CDH12: variants seen among roughly 807,000 people sequenced by gnomAD.
CDH12 encodes cadherin 12, also known as cadherin-12.
In CDH12, 41 loss-of-function variants were observed where a neutral mutation model predicts 74.1. The observed-to-expected ratio is 0.55, with a 90% confidence interval of 0.43 to 0.72. The LOEUF is 0.72. Ranked by LOEUF, CDH12 falls within the 30% of genes least tolerant of loss-of-function variation. The pLI is 0.00. For synonymous variants in CDH12, 399 were observed against 355.0 expected (o/e 1.12, Z -1.39); for missense variants, 945 against 977.2 (o/e 0.97, Z 0.44).
intron 5 of CDH12, among the ~76,000 whole-genome samples, chr5:22,063,951 CTCATA>C (rs1025776023): frequency 4.6e-5 from 7 of 151,598 alleles, no homozygotes; most frequent in Non-Finnish European, 8.8e-5. Flanking sequence ...TAAAATCTCT[CTCATA>C]TATCAGAAAC....
At chr5:22,051,256 T>C (rs369147672) in intron 5 of CDH12, among the ~76,000 whole-genome samples, 17 of 152,094 alleles carry the variant, frequency 1.1e-4, no homozygotes, top group Non-Finnish European at 1.2e-4. Context: ...GCCTGTTCCA[T>C]AGAAGGCACT....
At chr5:21,781,904 T>C (rs917772676) in intron 11 of CDH12, among the ~76,000 whole-genome samples, 9 of 152,354 alleles carry the variant, frequency 5.9e-5, no homozygotes, top group African/African-American at 2.2e-4. Context: ...TGTTCCCATG[T>C]ATCAGCAGAC....
chr5:22,808,771 T>G (rs935414636), intron 1 of CDH12, among the ~76,000 whole-genome samples: 1 of 143,152 alleles, frequency 7.0e-6, no homozygotes, highest in African/African-American at 2.6e-5. Context: ...GGTTTTTTTT[T>G]TTTTTTTTTT....
chr5:21,929,044 A>AGGAGATTTAT, intron 6 of CDH12, among the ~76,000 whole-genome samples: 1 of 152,082 alleles, frequency 6.6e-6, no homozygotes, highest in African/African-American at 2.4e-5. Flanking sequence ...AGAGAGAAAA[A>AGGAGATTTAT]GGAGATTTAT....
At chr5:21,990,835 G>A (rs898436258) in intron 5 of CDH12, among the ~76,000 whole-genome samples, 5 of 151,642 alleles carry the variant, frequency 3.3e-5, no homozygotes, top group Non-Finnish European at 7.4e-5. Context: ...AATATTCAGA[G>A]CAGAGATTAA....
At chr5:22,547,973 A>AT (rs1276589866) in intron 1 of CDH12, among the ~76,000 whole-genome samples, 1 of 152,198 alleles carries the variant, frequency 6.6e-6, no homozygotes, top group Non-Finnish European at 1.5e-5. Context: ...ATCCAAAGGA[A>AT]TGAAATTAGT....
At chr5:22,824,734 ATAAG>A (rs1349711256) in intron 1 of CDH12, among the ~76,000 whole-genome samples, 1 of 151,862 alleles carries the variant, frequency 6.6e-6, no homozygotes, top group African/African-American at 2.4e-5. Context: ...AAATTACAAA[ATAAG>A]ATAGAGAAAA....
intron 6 of CDH12, among the ~76,000 whole-genome samples, chr5:21,898,829 C>T (rs897041202): frequency 1.3e-5 from 2 of 151,958 alleles, no homozygotes; most frequent in East Asian, 3.9e-4. Context: ...GAGATGTAAT[C>T]ATGAAGAAAG....
At chr5:22,264,176 A>T (rs1753624092) in intron 3 of CDH12, among the ~76,000 whole-genome samples, 1 of 151,920 alleles carries the variant, frequency 6.6e-6, no homozygotes, top group Non-Finnish European at 1.5e-5. Context: ...AAAATATATG[A>T]ACTTACTTTA....
intron 1 of CDH12, among the ~76,000 whole-genome samples, chr5:22,709,120 C>T (rs1212218911): frequency 6.6e-6 from 1 of 152,100 alleles, no homozygotes. Context: ...TGCAGTCTCC[C>T]GCAGGACCTG....
At chr5:22,028,869 A>C (rs1377750147) in intron 5 of CDH12, among the ~76,000 whole-genome samples, 3 of 152,196 alleles carry the variant, frequency 2.0e-5, no homozygotes, top group African/African-American at 4.8e-5. Context: ...CTATACTACA[A>C]GGCTACAGTA....
intron 3 of CDH12, among the ~76,000 whole-genome samples, chr5:22,331,248 G>T (rs1739339849): frequency 6.6e-6 from 1 of 152,162 alleles, no homozygotes; most frequent in African/African-American, 2.4e-5. Flanking sequence ...CATTCTAAAG[G>T]AAAGGGCCTT....
chr5:22,093,924 T>C (rs77804181), intron 4 of CDH12, among the ~76,000 whole-genome samples: 1,879 of 152,286 alleles, frequency 0.012, 22 homozygotes, highest in South Asian at 0.059. Flanking sequence ...TAATATATTT[T>C]ACATAATATT....
chr5:21,958,477 G>A (rs527479723), intron 6 of CDH12, among the ~76,000 whole-genome samples: 9 of 152,112 alleles, frequency 5.9e-5, no homozygotes, highest in Non-Finnish European at 1.2e-4. Context: ...TGTATATTGT[G>A]TAAGGAAGGG....
intron 14 of CDH12, among the ~76,000 whole-genome samples, chr5:21,754,190 T>G (rs1744253840): frequency 6.6e-6 from 1 of 152,102 alleles, no homozygotes; most frequent in Admixed American, 6.6e-5. Flanking sequence ...TTTACAGTCT[T>G]TTTCATTACA....
intron 3 of CDH12, among the ~76,000 whole-genome samples, chr5:22,228,330 G>A (rs1480987705): frequency 2.0e-5 from 3 of 152,028 alleles, no homozygotes; most frequent in East Asian, 3.9e-4. Context: ...ATGTTCATAT[G>A]CCACCTACCA....
intron 4 of CDH12, among the ~76,000 whole-genome samples, chr5:22,114,858 C>T (rs977103977): frequency 3.3e-5 from 5 of 152,146 alleles, no homozygotes; most frequent in Admixed American, 6.5e-5. Context: ...AGTGTCCAAT[C>T]GCTTCACTTT....
At chr5:22,636,903 T>A (rs1738870501) in intron 1 of CDH12, among the ~76,000 whole-genome samples, 1 of 152,190 alleles carries the variant, frequency 6.6e-6, no homozygotes, top group African/African-American at 2.4e-5. Flanking sequence ...GAGGACAAGT[T>A]GTATACAGGG....
At position 21,751,357 on chromosome 5, in the gene CDH12, G is replaced by A. The variant is rs553613614; in HGVS notation, c.*380C>T. 4.9e-6 allele frequency: 1 copy of A among 203,724 alleles called. No individual in the cohort carries two copies. The highest frequency in any genetic ancestry group is 8.8e-5 in the South Asian group (1 of 11,396). The allele number at this position is 203,724 out of a possible 1,614,324, so 12.6% of individuals were successfully genotyped here. On this transcript the variant is annotated 3_prime_UTR_variant, in exon 15 of 15. Coordinates refer to ENST00000382254, the MANE Select transcript of CDH12 (RefSeq NM_004061.5). ...TAAGAGTTTCAATAGGCACTTTAGT[G>A]GAATTAAGAAAAATCTAACACTCTT... is the stretch of plus-strand genomic sequence containing the variant.
Sources: allele counts gnomAD v4.1 joint callset (sites outside exome capture counted in the v4.1 genomes callset), GRCh38; gene constraint gnomAD v4.1.1; transcripts MANE v1.5; gene names NCBI Gene and HGNC (gene_info 2026-07-23, HGNC 2026-07-21).